Variants in FAN1 observed in about 807,000 individuals in gnomAD.
FAN1 encodes fanconi-associated nuclease 1.
FAN1 carries 91 observed loss-of-function variants against 104.9 expected under a neutral mutation model. That is an observed-to-expected ratio of 0.87 (90% CI 0.73 to 1.03). The LOEUF is 1.03. FAN1 is among the 50% of genes least tolerant of loss of function. The pLI is 0.00. For missense variants in FAN1, 1,263 were observed against 1,239.9 expected, an observed-to-expected ratio of 1.02 and a Z score of -0.28; for synonymous variants, 478 against 457.6, an observed-to-expected ratio of 1.04 and a Z score of -0.57.
At chr15:30,927,024 G>A in intron 10 of FAN1, 16 of 985,378 alleles carry the variant, frequency 1.6e-5, no homozygotes, top group Non-Finnish European at 1.9e-5. Context: ...TAGGAGTTAA[G>A]GAACGAACCA....
At chr15:30,922,211 G>T in intron 7 of FAN1, 24 bp from the exon 8 acceptor site, 1 of 1,600,530 alleles carries the variant, frequency 6.2e-7, no homozygotes, top group South Asian at 1.1e-5. Context: ...ATCTAATGAG[G>T]TTTCTTTGTT....
chr15:30,904,163 G>C (rs1288461594), intron 1 of FAN1, 152 bp downstream of exon 1: 1 of 153,706 alleles, frequency 6.5e-6, no homozygotes, highest in Admixed American at 6.5e-5. Flanking sequence ...TATGGTGCGG[G>C]CATCGCCCTG....
intron 3 of FAN1, 95 bp from the exon 4 acceptor site, chr15:30,910,519 T>G: frequency 1.4e-6 from 1 of 709,914 alleles, no homozygotes; most frequent in East Asian, 2.8e-5. Flanking sequence ...ATTAAAATTT[T>G]CTTAGTAGCA....
chr15:30,910,569 GA>G (rs1425193997), intron 3 of FAN1, 44 bp from the exon 4 acceptor site: 1 of 1,292,464 alleles, frequency 7.7e-7, no homozygotes, highest in Non-Finnish European at 1.1e-6. Context: ...AATAAAGCTA[GA>G]AAATAGTAAA....
chr15:30,927,583 G>A (rs1457847508), intron 10 of FAN1: 1 of 985,460 alleles, frequency 1.0e-6, no homozygotes, highest in African/African-American at 1.7e-5. Context: ...ACTCACTGTG[G>A]TACCACGCAG....
intron 10 of FAN1, chr15:30,926,532 GA>G: frequency 1.5e-6 from 1 of 663,664 alleles, no homozygotes; most frequent in Non-Finnish European, 1.9e-6. Context: ...ACAACCACAA[GA>G]TAGGAGTTTA....
chr15:30,920,798 T>G (rs1012945635), intron 7 of FAN1, 145 bp downstream of exon 7: 2 of 563,058 alleles, frequency 3.6e-6, no homozygotes, highest in African/African-American at 3.9e-5. Flanking sequence ...TTGTTTTGTC[T>G]TTTTGAGACA....
At chr15:30,933,527 G>C (rs2062768370) in intron 13 of FAN1, among the ~76,000 whole-genome samples, 1 of 152,136 alleles carries the variant, frequency 6.6e-6, no homozygotes, top group South Asian at 2.1e-4. Context: ...GTTGAGACTT[G>C]TTTTATGGTC....
intron 7 of FAN1, 96 bp from the exon 8 acceptor site, chr15:30,922,139 T>C (rs2062347874): frequency 6.9e-7 from 1 of 1,451,308 alleles, no homozygotes; most frequent in East Asian, 2.3e-5. Flanking sequence ...AGATACGCAT[T>C]ATAAATAGGC....
In FAN1 at chr15:30,904,970, C is replaced by T. The variant is rs748657083; in HGVS notation, c.307C>T (p.Pro103Ser). ...TLEDVTPKKS[P>S]PPKTNLTPGQ... Reference sequence around the variant, plus strand: ...AGAAGATGTAACACCTAAGAAGTCACCACCACCAAAGACAAATTTAACCCC... The same window carrying T: ...AGAAGATGTAACACCTAAGAAGTCATCACCACCAAAGACAAATTTAACCCC... Residue 103 changes from proline (P) to serine (S), a missense_variant, in exon 2 of 15, where the codon CCA (proline) becomes TCA (serine). Around this residue, in one of 2 missense-constraint regions of FAN1, gnomAD observed 682 missense variants for 571.1 expected, o/e 1.19. Transcript: ENST00000362065. 1 of 1,613,956 alleles carries T rather than the reference C, an allele frequency of 6.2e-7. No homozygotes were observed.
intron 2 of FAN1, 131 bp downstream of exon 2, chr15:30,906,028 G>T: frequency 1.3e-6 from 1 of 792,758 alleles, no homozygotes; most frequent in Non-Finnish European, 2.0e-6. Flanking sequence ...CTGTGGGAGT[G>T]TTCATGGGAG....
At chr15:30,941,436 A>C (rs1409012688) in intron 14 of FAN1, 130 bp from the exon 15 acceptor site, 1 of 1,572,284 alleles carries the variant, frequency 6.4e-7, no homozygotes, top group Admixed American at 1.9e-5. Context: ...AAAAGTTGAC[A>C]GCTTCCCTCA....
intron 10 of FAN1, chr15:30,928,313 T>C (rs1451256656): frequency 7.7e-7 from 1 of 1,293,330 alleles, no homozygotes; most frequent in Middle Eastern, 3.0e-4. Context: ...GAAATGTTCA[T>C]TTGAATTTTT....
chr15:30,919,296 C>G (rs997714193), intron 6 of FAN1, among the ~76,000 whole-genome samples: 6 of 147,978 alleles, frequency 4.1e-5, no homozygotes, highest in African/African-American at 1.3e-4. Flanking sequence ...AGGAGAATCA[C>G]TTGAACCCAG....
At position 30,920,682 on chromosome 15, in the gene FAN1, A is replaced by G. The variant is rs143187330; in HGVS notation, c.2052+29A>G. On this transcript the variant is annotated intron_variant, in intron 7 of 14. Coordinates refer to ENST00000362065, the MANE Select transcript of FAN1 (RefSeq NM_014967.5). ...AGAGCACAGGTCCCTGCCCCCCACC[A>G]TTACTGATGTGATGGCGTTAAACAT... 13 of 1,305,528 alleles carry G rather than the reference A, an allele frequency of 1.0e-5. No homozygotes were observed. In the African/African-American group the frequency reaches 1.5e-4, roughly 15 times the overall value. 80.9% of individuals were successfully genotyped at this position (1,305,528 alleles called of 1,614,324 possible).
intron 4 of FAN1, 34 bp from the exon 5 acceptor site, chr15:30,913,824 G>A (rs745802521): frequency 7.1e-7 from 1 of 1,418,294 alleles, no homozygotes; most frequent in Admixed American, 2.1e-5. Context: ...TGCTTAAAAA[G>A]CTAAAAGTTA....
In FAN1 at chr15:30,925,923, C is replaced by T. The variant is rs1439388515; in HGVS notation, c.2472C>T (p.Arg824=). ...AGCTGGCACTGGCCCATTACAGACG[C>T]AGCGGTTTTGACCAGGGTAACTGAG... is the stretch of plus-strand genomic sequence containing the variant. ...VEELALAHYR[R]SGFDQGIHGE... Residue 824 remains arginine (R), a synonymous_variant, in exon 10 of 15, where the codon CGC becomes CGT. Transcript: ENST00000362065. 2 of 1,614,208 alleles carry T rather than the reference C, an allele frequency of 1.2e-6. No homozygotes were observed. The highest frequency in any genetic ancestry group is 1.7e-6 in the Non-Finnish European group (2 of 1,180,034).
intron 2 of FAN1, 40 bp downstream of exon 2, chr15:30,905,937 C>G: frequency 6.4e-7 from 1 of 1,562,520 alleles, no homozygotes; most frequent in South Asian, 1.2e-5. Flanking sequence ...TTTCATTCCC[C>G]TTTTGCTGCT....
In FAN1 at chr15:30,908,240, G is replaced by T; in HGVS notation, c.1357G>T (p.Ala453Ser). 8 of 1,606,366 alleles carry T rather than the reference G, an allele frequency of 5.0e-6. No individual in the cohort carries two copies. In the African/African-American group the frequency reaches 5.3e-5, roughly 11 times the overall value. Residue 453 changes from alanine to serine, a missense_variant, in exon 3 of 15, where the codon GCA (alanine) becomes TCA (serine). By Grantham distance (99) the Ala-to-Ser change is moderately conservative (BLOSUM62 1). Transcript: ENST00000362065. The stretch of plus-strand genomic sequence containing the variant: ...ACCTGTGATTGAAGAATTGACGAAT[G>T]CAGGCTTTCTACAGACAGGTATGAC... ...LTPVIEELTN[A>S]GFLQTESELQ...
Sources: allele counts gnomAD v4.1 joint callset (sites outside exome capture counted in the v4.1 genomes callset), GRCh38; gene constraint gnomAD v4.1.1; regional missense constraint gnomAD v4.1.1; transcripts MANE v1.5; gene names NCBI Gene and HGNC (gene_info 2026-07-23, HGNC 2026-07-21).